Variants in TGM5 observed in about 807,000 individuals in gnomAD.
TGM5 encodes the protein protein-glutamine gamma-glutamyltransferase 5.
In TGM5, 69 loss-of-function variants were observed where a neutral mutation model predicts 77.2. The observed-to-expected ratio is 0.89, with a 90% CI of 0.74 to 1.09. TGM5 has a LOEUF of 1.09. Among genes scored for constraint, TGM5 ranks in the 50% least tolerant of loss-of-function variants. The pLI is 0.00. For missense variants in TGM5, 842 were observed against 896.5 expected (o/e 0.94, Z 0.78); for synonymous variants, 346 against 351.8 (o/e 0.98, Z 0.18).
rs761504172 is a variant in TGM5, at chr15:43,253,543, C to T, written c.647G>A (p.Gly216Glu). The change falls in exon 5 of 13, where the codon GGA becomes GAA. Residue 216 changes from glycine to glutamate, a missense_variant. Around this residue, in one of 2 missense-constraint regions of TGM5, gnomAD observed 815 missense variants for 844.6 expected, o/e 0.96. Coordinates refer to ENST00000220420, the MANE Select transcript of TGM5 (RefSeq NM_201631.4). ...CACTCTGCTGACGTAGACGGGGCTT[C>T]CCCGCAGAGCACAGTCTGTGGCTGG... ...TDPATDCALR[G>E]SPVYVSRVVC... is the part of the protein sequence containing the mutation. The T allele has an allele frequency of 6.2e-7, 1 of 1,613,540 alleles. No individual in the cohort carries two copies. The highest frequency in any genetic ancestry group is 8.5e-7 in the Non-Finnish European group (1 of 1,180,026).
rs28465532 is a variant in TGM5, at chr15:43,261,081, T to G, written c.11-502A>C. Among the ~76,000 whole-genome samples the G allele has an allele frequency of 8.8e-3, 835 of 94,650 alleles. 39 individuals are homozygous for G. The highest frequency in any genetic ancestry group is 0.027 in the African/African-American group (535 of 19,732). The allele number at this position is 94,650 out of a possible 152,430, so 62.1% of individuals were successfully genotyped here. The stretch of plus-strand genomic sequence containing the variant: ...CTTCCTTTTTTTGTGTGTGTGTTTT[T>G]TTTTTTTTTTTTTTTTTTTTTTTTT... On this transcript the variant is annotated intron_variant, in intron 1 of 12. Coordinates refer to ENST00000220420, the MANE Select transcript of TGM5 (RefSeq NM_201631.4).
intron 4 of TGM5, among the ~76,000 whole-genome samples, chr15:43,256,253 C>T (rs2142377148): frequency 6.6e-6 from 1 of 152,288 alleles, no homozygotes; most frequent in African/African-American, 2.4e-5. Context: ...AACCAAAATG[C>T]CGGGCATCAT....
At chr15:43,250,065 G>C (rs2042693857) in intron 6 of TGM5, among the ~76,000 whole-genome samples, 1 of 152,196 alleles carries the variant, frequency 6.6e-6, no homozygotes, top group Admixed American at 6.5e-5. Context: ...ACTTGGTGCT[G>C]GATTAATGGC....
intron 6 of TGM5, among the ~76,000 whole-genome samples, chr15:43,248,478 A>G (rs1455011558): frequency 6.6e-6 from 1 of 152,146 alleles, no homozygotes; most frequent in Non-Finnish European, 1.5e-5. Flanking sequence ...GGCCGAAACA[A>G]CTTTTGAATA....
intron 3 of TGM5, among the ~76,000 whole-genome samples, chr15:43,257,338 G>A (rs939199359): frequency 2.6e-5 from 4 of 152,216 alleles, no homozygotes; most frequent in African/African-American, 4.8e-5. Flanking sequence ...GTACATGGAC[G>A]TGGAAATCTG....
In TGM5 at chr15:43,238,792, G is replaced by A. The variant is rs368297650; in HGVS notation, c.1345+25C>T. Reference sequence around the variant, plus strand: ...AAGGTTCCTGCAGGGCTGGGGCTCTGAGTAGGGCTGGCTTGCTTACTTACC... The same window carrying A: ...AAGGTTCCTGCAGGGCTGGGGCTCTAAGTAGGGCTGGCTTGCTTACTTACC... On this transcript the variant is annotated intron_variant, in intron 9 of 12. Coordinates refer to ENST00000220420, the MANE Select transcript of TGM5 (RefSeq NM_201631.4). The A allele has an allele frequency of 6.2e-6, 10 of 1,612,706 alleles. No homozygotes were observed. The African/African-American group carries it at 1.2e-4, about 19-fold the overall frequency.
At chr15:43,257,053 C>G (rs961414628) in intron 3 of TGM5, among the ~76,000 whole-genome samples, 1 of 152,180 alleles carries the variant, frequency 6.6e-6, no homozygotes, top group African/African-American at 2.4e-5. Flanking sequence ...ATATTCTGTG[C>G]TTTTTCTGCT....
Position 43,235,516 on chromosome 15 carries a change from G to A in TGM5, c.1667C>T (p.Ser556Phe), listed in dbSNP as rs750695683. Residue 556 changes from serine (S) to phenylalanine (F), a missense_variant, in exon 10 of 13, where the codon TCC becomes TTC. Ser to Phe is a radical substitution (Grantham distance 155). Coordinates refer to ENST00000220420, the MANE Select transcript of TGM5 (RefSeq NM_201631.4). Reference sequence around the variant, plus strand: ...GAACGCTGTGTCCTGCCAGAATGGGGACAGGGGGCTGCCATCGTGCAGCAG... The same window carrying A: ...GAACGCTGTGTCCTGCCAGAATGGGAACAGGGGGCTGCCATCGTGCAGCAG... ...QSLLHDGSPL[S>F]PFWQDTAFIT... The A allele has an allele frequency of 6.2e-7, 1 of 1,614,228 alleles. No individual in the cohort carries two copies. The highest frequency in any genetic ancestry group is 8.5e-7 in the Non-Finnish European group (1 of 1,180,046).
At chr15:43,255,382 G>T (rs2042735847) in intron 4 of TGM5, among the ~76,000 whole-genome samples, 1 of 151,944 alleles carries the variant, frequency 6.6e-6, no homozygotes, top group South Asian at 2.1e-4. Flanking sequence ...AGAAACAGAG[G>T]GACCCAGGTC....
At position 43,239,251 on chromosome 15, in the gene TGM5, C is replaced by T; in HGVS notation, c.1017G>A (p.Trp339Ter). 6.2e-7 allele frequency: 1 copy of T among 1,614,164 alleles called. No homozygotes were observed. The highest frequency in any genetic ancestry group is 1.1e-5 in the South Asian group (1 of 91,086). Residue 339 changes from tryptophan to a stop codon, truncating the protein, a stop_gained, in exon 8 of 13, where the codon TGG becomes TGA. Coordinates refer to ENST00000220420, the MANE Select transcript of TGM5 (RefSeq NM_201631.4). LOFTEE classifies it high-confidence loss of function. ...KKDTIWNFHV[W>*]NECWMARKDL... ...CCTTCCGGGCCATCCAGCACTCATT[C>T]CAGACATGGAAGTTCCTGTGTCAAA... is the stretch of plus-strand genomic sequence containing the variant.
chr15:43,240,088 T>C (rs2042623485), intron 7 of TGM5, among the ~76,000 whole-genome samples: 1 of 152,160 alleles, frequency 6.6e-6, no homozygotes, highest in Admixed American at 6.5e-5. Flanking sequence ...GAACCCCTTT[T>C]CCCCAAAGGC....
intron 6 of TGM5, among the ~76,000 whole-genome samples, chr15:43,252,007 C>T (rs1036095504): frequency 2.6e-5 from 4 of 152,232 alleles, no homozygotes; most frequent in African/African-American, 9.6e-5. Flanking sequence ...CTTGCTCTGG[C>T]CCCATGGCCC....
At chr15:43,255,781 G>T (rs187366159) in intron 4 of TGM5, among the ~76,000 whole-genome samples, 4 of 152,292 alleles carry the variant, frequency 2.6e-5, no homozygotes, top group Admixed American at 2.0e-4. Context: ...ACTTCCTGAA[G>T]TCCCTGCTGC....
Position 43,233,653 on chromosome 15 carries a change from G to A in TGM5, c.1910C>T (p.Ser637Phe). The A allele has an allele frequency of 6.2e-7, 1 of 1,614,154 alleles. No homozygotes were observed. The highest frequency in any genetic ancestry group is 8.5e-7 in the Non-Finnish European group (1 of 1,180,022). ...GGGGTTTGAAAATATCACCTGTATG[G>A]AGAGTGGCTGGTTCACAACGGCTGC... ...LGAAVVNQPL[S>F]IQVIFSNPLS... Residue 637 changes from serine to phenylalanine, a missense_variant, in exon 12 of 13, where the codon TCC (serine) becomes TTC (phenylalanine). Transcript: ENST00000220420.
At chr15:43,243,471 G>A (rs1302792328) in intron 6 of TGM5, among the ~76,000 whole-genome samples, 1 of 152,224 alleles carries the variant, frequency 6.6e-6, no homozygotes. Flanking sequence ...CTTGTGAGAG[G>A]ACTTGGATGG....
intron 1 of TGM5, among the ~76,000 whole-genome samples, chr15:43,261,073 TG>T (rs1328678858): frequency 1.4e-3 from 30 of 21,392 alleles, no homozygotes; most frequent in Admixed American, 3.6e-3. Context: ...TTTTTGTGTG[TG>T]TGTTTTTTTT....
At position 43,248,680 on chromosome 15, in the gene TGM5, A is replaced by G. The variant is rs930137299; in HGVS notation, c.862+4079T>C. On this transcript the variant is annotated intron_variant, in intron 6 of 12. Transcript: ENST00000220420. ...AATGGAAATCAATGGAAAATAAGAA[A>G]GGTTTGTGTTTAGTCCAGGGCACTG... is the stretch of plus-strand genomic sequence containing the variant. Among the ~76,000 whole-genome samples the G allele has an allele frequency of 3.3e-5, 5 of 152,342 alleles. No individual in the cohort carries two copies. In the East Asian group the frequency reaches 9.6e-4, roughly 29 times the overall value.
chr15:43,266,453 T>C (rs1279757996), intron 1 of TGM5, among the ~76,000 whole-genome samples: 1 of 152,144 alleles, frequency 6.6e-6, no homozygotes, highest in Non-Finnish European at 1.5e-5. Flanking sequence ...AATTTCAAGA[T>C]TGTCTGGTCC....
At position 43,260,431 on chromosome 15, in the gene TGM5, G is replaced by T. The variant is rs1337132184; in HGVS notation, c.159C>A (p.Gly53=). The T allele has an allele frequency of 5.6e-6, 9 of 1,614,090 alleles. No homozygotes were observed. Among genetic ancestry groups the T allele is most frequent in the Non-Finnish European group, 6.8e-6 (8 of 1,180,050 alleles). The change falls in exon 2 of 13, where the codon GGC becomes GGA. Residue 53 remains glycine (G), a synonymous_variant. Coordinates refer to ENST00000220420, the MANE Select transcript of TGM5 (RefSeq NM_201631.4). ...CAACCACGAAGATGATGTTGTCCAG[G>T]CCTGGCTGGAAGCTCCGGTTCCTGA... ...LYFRNRSFQP[G]LDNIIFVVET...
Sources: allele counts gnomAD v4.1 joint callset (sites outside exome capture counted in the v4.1 genomes callset), GRCh38; gene constraint gnomAD v4.1.1; regional missense constraint gnomAD v4.1.1; transcripts MANE v1.5; gene names NCBI Gene and HGNC (gene_info 2026-07-23, HGNC 2026-07-21).